The following CCDC171 variants were observed in gnomAD, a reference collection of about 807,000 sequenced individuals.
The protein encoded by CCDC171 is coiled-coil domain containing 171.
In CCDC171, 177 loss-of-function variants were observed where a neutral mutation model predicts 168.2. The ratio of observed to expected loss-of-function variants is 1.05; its 90% CI spans 0.93 to 1.19. CCDC171 has a LOEUF of 1.19. Among genes scored for constraint, CCDC171 ranks in the 50% most tolerant of loss-of-function variants. The pLI, the probability that CCDC171 is intolerant of heterozygous loss-of-function variation, is 0.00. For missense variants in CCDC171, 1,991 were observed against 1,539.0 expected (o/e 1.29, Z -4.91); for synonymous variants, 687 against 540.8 (o/e 1.27, Z -3.75).
chr9:15,732,447 C>T (rs75080305), intron 16 of CCDC171, among the ~76,000 whole-genome samples: 2 of 152,162 alleles, frequency 1.3e-5, no homozygotes, highest in East Asian at 3.9e-4. Context: ...AGCCTTGGTA[C>T]CTTTGTGAAA....
At chr9:15,728,343 A>T (rs993242842) in intron 15 of CCDC171, among the ~76,000 whole-genome samples, 1 of 152,164 alleles carries the variant, frequency 6.6e-6, no homozygotes, top group African/African-American at 2.4e-5. Flanking sequence ...CTGATGAAGC[A>T]ATTCAAAGAC....
chr9:15,951,908 C>A (rs1452106876), intron 25 of CCDC171, among the ~76,000 whole-genome samples: 2 of 151,946 alleles, frequency 1.3e-5, no homozygotes, highest in East Asian at 3.9e-4. Flanking sequence ...GTTGCCTGTG[C>A]CTGTTGTGTC....
At chr9:15,708,273 T>C (rs1226760569) in intron 11 of CCDC171, among the ~76,000 whole-genome samples, 1 of 152,262 alleles carries the variant, frequency 6.6e-6, no homozygotes, top group African/African-American at 2.4e-5. Flanking sequence ...TACTAATGAT[T>C]GCACAGAAAT....
intron 1 of CCDC171, among the ~76,000 whole-genome samples, chr9:16,052,850 C>G (rs1249630004): frequency 3.3e-5 from 5 of 150,786 alleles, no homozygotes; most frequent in African/African-American, 7.3e-5. Context: ...GTGAGCGTGT[C>G]CCATTAAAAC....
intron 21 of CCDC171, among the ~76,000 whole-genome samples, chr9:15,811,662 T>A (rs1435119775): frequency 6.6e-6 from 1 of 152,226 alleles, no homozygotes; most frequent in Non-Finnish European, 1.5e-5. Context: ...TTTTCTTGAG[T>A]CCTGTCTTAC....
chr9:15,675,644 C>T (rs1237097287), intron 9 of CCDC171, among the ~76,000 whole-genome samples: 1 of 152,100 alleles, frequency 6.6e-6, no homozygotes, highest in Non-Finnish European at 1.5e-5. Flanking sequence ...TTTAGTTTGG[C>T]TGGATATGAA....
intron 8 of CCDC171, among the ~76,000 whole-genome samples, chr9:15,663,262 G>A (rs370577591): frequency 6.6e-6 from 1 of 152,026 alleles, no homozygotes; most frequent in African/African-American, 2.4e-5. Context: ...TGGTTCTAAA[G>A]CCCATTTTCT....
chr9:15,704,208 A>T (rs2052028561), intron 11 of CCDC171, among the ~76,000 whole-genome samples: 1 of 151,688 alleles, frequency 6.6e-6, no homozygotes. Context: ...TGTTTGTAGC[A>T]CATTCTTAGA....
chr9:15,850,521 C>T (rs2061081161), intron 23 of CCDC171, among the ~76,000 whole-genome samples: 1 of 151,896 alleles, frequency 6.6e-6, no homozygotes, highest in Non-Finnish European at 1.5e-5. Context: ...CTTTTCCTCT[C>T]TTCAGATTTA....
At chr9:15,809,736 C>T (rs560348703) in intron 21 of CCDC171, among the ~76,000 whole-genome samples, 5 of 152,072 alleles carry the variant, frequency 3.3e-5, no homozygotes, top group Non-Finnish European at 5.9e-5. Context: ...CAGTGCGGAC[C>T]CAAAGAGTGA....
chr9:15,879,277 G>T (rs1183200187), intron 24 of CCDC171, among the ~76,000 whole-genome samples: 1 of 151,440 alleles, frequency 6.6e-6, no homozygotes, highest in Non-Finnish European at 1.5e-5. Context: ...ACAACAATTG[G>T]GCCATACAGT....
intron 7 of CCDC171, among the ~76,000 whole-genome samples, chr9:15,648,822 C>T (rs912588536): frequency 5.9e-5 from 9 of 152,108 alleles, no homozygotes; most frequent in Non-Finnish European, 1.2e-4. Flanking sequence ...GCCATACTGC[C>T]CAAGGTAATT....
intron 3 of CCDC171, among the ~76,000 whole-genome samples, chr9:15,576,768 G>C (rs1358751284): frequency 6.6e-6 from 1 of 152,208 alleles, no homozygotes; most frequent in Non-Finnish European, 1.5e-5. Context: ...ATTAGCAAGA[G>C]CTTTCAGTTC....
intron 21 of CCDC171, among the ~76,000 whole-genome samples, chr9:15,842,876 T>G (rs1374362163): frequency 2.0e-5 from 3 of 151,902 alleles, no homozygotes; most frequent in Non-Finnish European, 4.4e-5. Flanking sequence ...TTTGCTGTTA[T>G]TCACTAGTAA....
intron 21 of CCDC171, among the ~76,000 whole-genome samples, chr9:15,826,587 G>A (rs944281405): frequency 1.3e-5 from 2 of 152,066 alleles, no homozygotes; most frequent in African/African-American, 4.8e-5. Flanking sequence ...TCATTCTCTG[G>A]GAAAGCCTGG....
intron 24 of CCDC171, chr9:15,885,984 C>G (rs1392704652): frequency 1.3e-5 from 2 of 152,078 alleles, no homozygotes; most frequent in Non-Finnish European, 2.9e-5. Context: ...AAAAGTTATT[C>G]CAACAGAGAT....
intron 21 of CCDC171, among the ~76,000 whole-genome samples, chr9:15,836,347 GTTTTA>G (rs975294755): frequency 5.3e-5 from 8 of 152,102 alleles, no homozygotes; most frequent in Non-Finnish European, 1.0e-4. Context: ...TGTTGGTCTT[GTTTTA>G]TTTTATTTAT....
intron 7 of CCDC171, among the ~76,000 whole-genome samples, chr9:15,645,618 G>A (rs1016421673): frequency 1.4e-4 from 21 of 152,196 alleles, no homozygotes; most frequent in Non-Finnish European, 2.5e-4. Context: ...TTCAGTAGCC[G>A]ATTTGAACAA....
intron 7 of CCDC171, among the ~76,000 whole-genome samples, chr9:15,631,239 T>G (rs988111004): frequency 1.3e-5 from 2 of 151,814 alleles, no homozygotes; most frequent in Non-Finnish European, 2.9e-5. Context: ...AGAAGCTGGT[T>G]TTTTGAAAAG....
Sources: gnomAD v4.1 joint callset for allele counts (sites outside exome capture counted in the v4.1 genomes callset) on GRCh38, gnomAD v4.1.1 for gene constraint, MANE v1.5 for transcripts, NCBI Gene and HGNC (gene_info 2026-07-23, HGNC 2026-07-21) for gene names.